The following TOP3A variants were observed in gnomAD, a reference collection of about 807,000 sequenced individuals.
The protein encoded by TOP3A is DNA topoisomerase III alpha.
In TOP3A, 64 loss-of-function variants were observed where a neutral mutation model predicts 111.3. The ratio of observed to expected loss-of-function variants is 0.57; its 90% CI spans 0.47 to 0.71. The LOEUF is 0.71. Among genes scored for constraint, TOP3A ranks in the 30% least tolerant of loss-of-function variants. The probability of loss-of-function intolerance (pLI) is 0.00; values close to 1 mark genes in which losing one functional copy is unlikely to be tolerated. For synonymous variants in TOP3A, 484 were observed against 485.1 expected (o/e 1.00, Z 0.03); for missense variants, 1,104 against 1,285.0 (o/e 0.86, Z 2.15).
intron 8 of TOP3A, among the ~76,000 whole-genome samples, chr17:18,301,071 C>T (rs1188850796): frequency 2.0e-5 from 3 of 152,246 alleles, no homozygotes; most frequent in Non-Finnish European, 2.9e-5. Context: ...ACAGTTATCA[C>T]ATCCCTTTGC....
chr17:18,275,376 G>C (rs1347983748), intron 18 of TOP3A, among the ~76,000 whole-genome samples: 2 of 124,774 alleles, frequency 1.6e-5, no homozygotes, highest in Non-Finnish European at 3.2e-5. Flanking sequence ...TTTTGAGATG[G>C]AGTCTTCGCT....
intron 3 of TOP3A, 118 bp downstream of exon 3, chr17:18,308,223 CAAAAAAAAAA>C (rs201230376): frequency 2.1e-4 from 52 of 245,748 alleles, no homozygotes; most frequent in Middle Eastern, 1.2e-3. Context: ...TTGTCTCCAA[CAAAAAAAAAA>C]AAAAAAAAAA....
chr17:18,286,097 G>A (rs745830395), intron 13 of TOP3A, among the ~76,000 whole-genome samples: 5 of 151,888 alleles, frequency 3.3e-5, no homozygotes, highest in Non-Finnish European at 7.4e-5. Flanking sequence ...CTGCTCAGGA[G>A]GCTGAGGCAG....
At chr17:18,308,585 G>A (rs1473336695) in intron 2 of TOP3A, 161 bp from the exon 3 acceptor site, 1 of 542,454 alleles carries the variant, frequency 1.8e-6, no homozygotes, top group Non-Finnish European at 3.2e-6. Context: ...AAAAGTCACA[G>A]GAATACAATC....
chr17:18,298,231 C>G (rs1182990511), intron 9 of TOP3A, among the ~76,000 whole-genome samples: 2 of 150,830 alleles, frequency 1.3e-5, no homozygotes, highest in Non-Finnish European at 3.0e-5. Context: ...GCCCAGCAGC[C>G]GCGCCGTCTG....
In TOP3A at chr17:18,301,869, C is replaced by G. The variant is rs770595205; in HGVS notation, c.915+16G>C. 1 of 1,607,164 alleles carries G rather than the reference C, an allele frequency of 6.2e-7. No individual in the cohort carries two copies. Among genetic ancestry groups the G allele is most frequent in the Non-Finnish European group, 8.5e-7 (1 of 1,174,182 alleles). On this transcript the variant is annotated intron_variant, in intron 8 of 18. Coordinates refer to ENST00000321105, the MANE Select transcript of TOP3A (RefSeq NM_004618.5). ...GAGGTGTGCAGAATGTTTCCTAGAT[C>G]ATTAGGGGTTCTTACCTCCACACAC...
At chr17:18,275,314 AAAG>A (rs2142925630) in intron 18 of TOP3A, among the ~76,000 whole-genome samples, 1 of 147,334 alleles carries the variant, frequency 6.8e-6, no homozygotes, top group South Asian at 2.2e-4. Context: ...AAAAAAAAAA[AAAG>A]AGCAGCAGAC....
chr17:18,303,153 C>G (rs1981342939), intron 5 of TOP3A: 1 of 159,546 alleles, frequency 6.3e-6, no homozygotes, highest in Non-Finnish European at 1.4e-5. Context: ...GGATTTAGGC[C>G]TGTGCAGGAT....
rs1979496403 is a variant in TOP3A, at chr17:18,277,992, T to G, written c.2510A>C (p.Lys837Thr). ...GAAGTTGCAGCTACCTCCGTTGCAC[T>G]TAAAGAACTGCCGGCCCCGGTTGGG... The part of the protein sequence containing the change: ...EGPNRGRQFF[K>T]CNGGSCNFFL... Residue 837 changes from lysine to threonine, a missense_variant, in exon 18 of 19, where the codon AAG (lysine) becomes ACG (threonine). By Grantham distance (78) the Lys-to-Thr change is moderately conservative. Transcript: ENST00000321105. 6.2e-7 allele frequency: 1 copy of G among 1,614,116 alleles called. No individual in the cohort carries two copies. Among genetic ancestry groups the G allele is most frequent in the African/African-American group, 1.3e-5 (1 of 75,068 alleles).
rs143020273 is a variant in TOP3A, at chr17:18,278,286, C to A, written c.2216G>T (p.Gly739Val). The change falls in exon 18 of 19, where the codon GGA (glycine) becomes GTA (valine). Residue 739 changes from glycine (G) to valine (V), a missense_variant. Transcript: ENST00000321105. ...GATCTCCCTCAGGGTGTCGTCGCAT[C>A]CGCCGATGCAGCAAACAAACTCCAG... is the stretch of plus-strand genomic sequence containing the variant. ...MPLEFVCCIG[G>V]CDDTLREILD... is the part of the protein sequence containing the mutation. 77 of 1,527,116 alleles carry A rather than the reference C, an allele frequency of 5.0e-5. No homozygotes were observed. The highest frequency in any genetic ancestry group is 1.9e-4 in the Admixed American group (9 of 46,462). The allele number at this position is 1,527,116 out of a possible 1,614,324, so 94.6% of individuals were successfully genotyped here. A position where few individuals can be genotyped will look rare whatever the true frequency, so the allele number is the denominator to read the frequency against.
intron 1 of TOP3A, among the ~76,000 whole-genome samples, chr17:18,310,972 C>T (rs1241863683): frequency 6.6e-6 from 1 of 151,878 alleles, no homozygotes; most frequent in Non-Finnish European, 1.5e-5. Flanking sequence ...CTTTCAGGCT[C>T]AGCTCAAACA....
In TOP3A at chr17:18,272,720, T is replaced by G. The variant is rs1426091818; in HGVS notation, c.*2082A>C. ...TTTTTTTCTTGAGACAGAGTTTCAC[T>G]CTTTTTGCCCAGGCTGGAGTGCAAT... On this transcript the variant is annotated 3_prime_UTR_variant, in exon 19 of 19. Transcript: ENST00000321105. The G allele has an allele frequency of 6.6e-6, 1 of 151,546 alleles. No individual in the cohort carries two copies. The highest frequency in any genetic ancestry group is 1.5e-5 in the Non-Finnish European group (1 of 67,948). The allele number at this position is 151,546 out of a possible 1,614,324, so 9.4% of individuals were successfully genotyped here.
At chr17:18,285,365 C>T (rs376758264) in intron 14 of TOP3A, 42 bp downstream of exon 14, 74 of 1,612,526 alleles carry the variant, frequency 4.6e-5, no homozygotes, top group Middle Eastern at 1.6e-4. Flanking sequence ...GGGACTTGGG[C>T]GACACCACCC....
intron 13 of TOP3A, among the ~76,000 whole-genome samples, chr17:18,289,066 G>A (rs1980303977): frequency 6.6e-6 from 1 of 151,946 alleles, no homozygotes; most frequent in Admixed American, 6.6e-5. Flanking sequence ...AGGCTGGAGT[G>A]CAGTGCTGCG....
At position 18,278,208 on chromosome 17, in the gene TOP3A, C is replaced by T. The variant is rs757039121; in HGVS notation, c.2294G>A (p.Arg765His). The change falls in exon 18 of 19, where the codon CGC becomes CAC. Residue 765 changes from arginine to histidine, a missense_variant. Coordinates refer to ENST00000321105, the MANE Select transcript of TOP3A (RefSeq NM_004618.5). Reference protein sequence around the residue: ...GPPRASQPSGRLQANQSLNRM... With the variant: ...GPPRASQPSGHLQANQSLNRM... Reference sequence around the variant, plus strand: ...GTTCAGGGACTGGTTAGCCTGCAGGCGGCCAGAGGGCTGGCTAGCCCTGGG... The same window carrying T: ...GTTCAGGGACTGGTTAGCCTGCAGGTGGCCAGAGGGCTGGCTAGCCCTGGG... 32 of 1,603,214 alleles carry T rather than the reference C, an allele frequency of 2.0e-5. No homozygotes were observed. In the Middle Eastern group the frequency reaches 5.0e-4, roughly 25 times the overall value.
At chr17:18,283,356 C>T (rs368259837) in intron 15 of TOP3A, among the ~76,000 whole-genome samples, 5 of 151,428 alleles carry the variant, frequency 3.3e-5, no homozygotes, top group African/African-American at 9.7e-5. Context: ...GCAACAAGAG[C>T]GAAACTCCAT....
At chr17:18,295,294 A>G (rs1043476292) in intron 9 of TOP3A, among the ~76,000 whole-genome samples, 8 of 152,034 alleles carry the variant, frequency 5.3e-5, no homozygotes, top group African/African-American at 1.7e-4. Context: ...CTGAGATTAC[A>G]TCACCACCAT....
Position 18,274,757 on chromosome 17 carries a change from A to G in TOP3A, c.*45T>C. The G allele has an allele frequency of 6.3e-7, 1 of 1,575,230 alleles. No homozygotes were observed. ...CTGGTTAACTCATTTCTAAACACAA[A>G]GGGGACAGGTCTGAGAAAGTGGCGT... On this transcript the variant is annotated 3_prime_UTR_variant, in exon 19 of 19. Coordinates refer to ENST00000321105, the MANE Select transcript of TOP3A (RefSeq NM_004618.5).
At chr17:18,305,607 G>A (rs1024220368) in intron 4 of TOP3A, among the ~76,000 whole-genome samples, 3 of 152,168 alleles carry the variant, frequency 2.0e-5, no homozygotes, top group Non-Finnish European at 4.4e-5. Context: ...GGGAGGCCGA[G>A]GTGGGTGGAT....
Sources: allele counts gnomAD v4.1 joint callset (sites outside exome capture counted in the v4.1 genomes callset), GRCh38; gene constraint gnomAD v4.1.1; transcripts MANE v1.5; gene names NCBI Gene and HGNC (gene_info 2026-07-23, HGNC 2026-07-21).